The following KCND3 variants were observed in gnomAD, a reference collection of about 807,000 sequenced individuals.
The protein encoded by KCND3 is A-type voltage-gated potassium channel KCND3.
Under a neutral mutation model 51.1 loss-of-function variants are expected in KCND3, and 9 were observed. The ratio of observed to expected loss-of-function variants is 0.18; its 90% CI spans 0.11 to 0.31. KCND3 has a LOEUF of 0.31. Among genes scored for constraint, KCND3 ranks in the 10% least tolerant of loss-of-function variants. The pLI is 1.00. For synonymous variants in KCND3, 349 were observed against 368.0 expected (o/e 0.95, Z 0.59); for missense variants, 526 against 903.8 (o/e 0.58, Z 5.36).
chr1:111,872,036 G>A (rs1463369552), intron 2 of KCND3, among the ~76,000 whole-genome samples: 1 of 152,184 alleles, frequency 6.6e-6, no homozygotes, highest in Non-Finnish European at 1.5e-5. Flanking sequence ...AGATTAAAAA[G>A]AGCCAGAAAT....
intron 2 of KCND3, among the ~76,000 whole-genome samples, chr1:111,937,071 A>G (rs1425593005): frequency 6.6e-6 from 1 of 152,234 alleles, no homozygotes; most frequent in Non-Finnish European, 1.5e-5. Context: ...TACGAACAGT[A>G]GGCAGACATT....
At chr1:111,908,732 T>C (rs1670769083) in intron 2 of KCND3, among the ~76,000 whole-genome samples, 1 of 152,098 alleles carries the variant, frequency 6.6e-6, no homozygotes, top group Non-Finnish European at 1.5e-5. Flanking sequence ...ACTTTTTTTG[T>C]CTCAAAAATG....
At chr1:111,831,692 C>G (rs1381849270) in intron 2 of KCND3, among the ~76,000 whole-genome samples, 1 of 152,176 alleles carries the variant, frequency 6.6e-6, no homozygotes, top group East Asian at 1.9e-4. Context: ...TTTAAATGTT[C>G]TCAAATGTGG....
intron 2 of KCND3, among the ~76,000 whole-genome samples, chr1:111,837,579 T>C (rs1667121975): frequency 6.6e-6 from 1 of 152,180 alleles, no homozygotes; most frequent in Non-Finnish European, 1.5e-5. Context: ...TGGCTCAGAG[T>C]TGAGACTCCC....
rs750100795 is a variant in KCND3 at position 111,772,693 on chromosome 1, GCTCTTAATA to G, written c.*3375_*3383del. ...CTTAAATCTTTTCTAGTTCTGATAT[GCTCTTAATA>G]CTACATTTTCTAGGTTCACATTCAT... On this transcript the variant is annotated 3_prime_UTR_variant, in exon 8 of 8. Coordinates refer to ENST00000302127, the MANE Select transcript of KCND3 (RefSeq NM_001378969.1). 3 of 152,110 alleles carry G rather than the reference GCTCTTAATA, an allele frequency of 2.0e-5. No individual in the cohort carries two copies. Among genetic ancestry groups the G allele is most frequent in the African/African-American group, 7.2e-5 (3 of 41,400 alleles). 9.4% of individuals were successfully genotyped at this position (152,110 alleles called of 1,614,324 possible). A position where few individuals can be genotyped will look rare whatever the true frequency, so the allele number is the denominator to read the frequency against.
Position 111,777,369 on chromosome 1 carries a change from C to T in KCND3, c.1519-96G>A, listed in dbSNP as rs147765490. The T allele has an allele frequency of 0.01, 14,155 of 1,391,156 alleles. 101 individuals are homozygous for T. Among genetic ancestry groups the T allele is most frequent in the Non-Finnish European group, 0.013 (12,643 of 985,066 alleles). 86.2% of individuals were successfully genotyped at this position (1,391,156 alleles called of 1,614,324 possible). A position where few individuals can be genotyped will look rare whatever the true frequency, so the allele number is the denominator to read the frequency against. On this transcript the variant is annotated intron_variant, in intron 6 of 7. Transcript: ENST00000302127. ...TATGGCTGCCTGTCTCTGTTCTGGA[C>T]CTTGAAGGAAGGGCTCCCAGCTGCC...
intron 2 of KCND3, among the ~76,000 whole-genome samples, chr1:111,967,404 G>A (rs1674065839): frequency 6.6e-6 from 1 of 152,146 alleles, no homozygotes; most frequent in Admixed American, 6.5e-5. Context: ...GGCCCAACGA[G>A]AGGCATCCAG....
intron 2 of KCND3, among the ~76,000 whole-genome samples, chr1:111,887,970 G>A (rs904436221): frequency 6.6e-6 from 1 of 152,356 alleles, no homozygotes; most frequent in Non-Finnish European, 1.5e-5. Flanking sequence ...CCCAGGTCCT[G>A]GCAAAGGCTG....
intron 2 of KCND3, among the ~76,000 whole-genome samples, chr1:111,867,494 G>A (rs975280648): frequency 1.3e-5 from 2 of 152,206 alleles, no homozygotes; most frequent in African/African-American, 2.4e-5. Context: ...CTTTGGAAGG[G>A]AAACCCGCCT....
At chr1:111,919,642 C>G (rs778230174) in intron 2 of KCND3, among the ~76,000 whole-genome samples, 1 of 152,110 alleles carries the variant, frequency 6.6e-6, no homozygotes, top group Non-Finnish European at 1.5e-5. Context: ...AAAGTGGTCC[C>G]CAATTCAGAT....
rs1301027338 is a variant in KCND3, at chr1:111,867,508, G to A, written c.1107-80402C>T. 3.3e-5 allele frequency among the ~76,000 whole-genome samples: 5 copies of A among 152,152 alleles called. No homozygotes were observed. The East Asian group carries it at 9.6e-4, about 29-fold the overall frequency. On this transcript the variant is annotated intron_variant, in intron 2 of 7. Coordinates refer to ENST00000302127, the MANE Select transcript of KCND3 (RefSeq NM_001378969.1). The stretch of plus-strand genomic sequence containing the variant: ...ACTTTGGAAGGGAAACCCGCCTTAG[G>A]ATGCTTTTAGAGCATCCCTTTCCCT...
chr1:111,776,134 G>A lies in KCND3; in HGVS notation c.1911C>T (p.Gly637=). 6.2e-7 allele frequency: 1 copy of A among 1,614,238 alleles called. No homozygotes were observed. Among genetic ancestry groups the A allele is most frequent in the Non-Finnish European group, 8.5e-7 (1 of 1,180,046 alleles). ...CTATGGAAGGAATGTTCGTGTTGGG[G>A]CCTGGGCTGGCAGGGGGTGGCCGAC... ...GESRPPPASP[G]PNTNIPSIAS... The change falls in exon 8 of 8, where the codon GGC becomes GGT. Residue 637 remains glycine, a synonymous_variant. Coordinates refer to ENST00000302127, the MANE Select transcript of KCND3 (RefSeq NM_001378969.1).
chr1:111,907,589 C>G (rs943548813), intron 2 of KCND3, among the ~76,000 whole-genome samples: 1 of 152,232 alleles, frequency 6.6e-6, no homozygotes, highest in African/African-American at 2.4e-5. Context: ...AGGCACCCAA[C>G]TAAGCCATGT....
intron 3 of KCND3, among the ~76,000 whole-genome samples, chr1:111,782,710 G>A (rs562164401): frequency 5.3e-5 from 8 of 152,260 alleles, no homozygotes; most frequent in East Asian, 1.9e-4. Flanking sequence ...TCTGGGGTCC[G>A]TCTTCATTAG....
intron 2 of KCND3, among the ~76,000 whole-genome samples, chr1:111,811,543 G>C (rs900233633): frequency 1.3e-5 from 2 of 152,138 alleles, no homozygotes; most frequent in Non-Finnish European, 2.9e-5. Flanking sequence ...GCGATGAAAG[G>C]ACAGGGTGAG....
At chr1:111,910,731 A>C (rs1373859497) in intron 2 of KCND3, 1 of 152,144 alleles carries the variant, frequency 6.6e-6, no homozygotes, top group Non-Finnish European at 1.5e-5. Context: ...ATTCTGGGAG[A>C]TTGGACCAGG....
chr1:111,946,071 G>T (rs1015582534), intron 2 of KCND3, among the ~76,000 whole-genome samples: 2 of 152,246 alleles, frequency 1.3e-5, no homozygotes, highest in Admixed American at 1.3e-4. Flanking sequence ...TCGACCCAGT[G>T]CTTGGCACAT....
intron 2 of KCND3, among the ~76,000 whole-genome samples, chr1:111,897,077 G>A (rs1431242007): frequency 1.3e-5 from 2 of 152,374 alleles, no homozygotes; most frequent in South Asian, 2.1e-4. Flanking sequence ...CGGGGCAGGC[G>A]AGGAGCAGGT....
chr1:111,804,727 C>T (rs986845531), intron 2 of KCND3, among the ~76,000 whole-genome samples: 1 of 152,230 alleles, frequency 6.6e-6, no homozygotes, highest in East Asian at 1.9e-4. Context: ...TCCAAACAAC[C>T]CCAGATAGGG....
Sources: allele counts gnomAD v4.1 joint callset (sites outside exome capture counted in the v4.1 genomes callset), GRCh38; gene constraint gnomAD v4.1.1; transcripts MANE v1.5; gene names NCBI Gene and HGNC (gene_info 2026-07-23, HGNC 2026-07-21).